The following CLNK variants were observed in gnomAD, a reference collection of about 807,000 sequenced individuals.
CLNK encodes cytokine-dependent hematopoietic cell linker.
In CLNK, 74 loss-of-function variants were observed where a neutral mutation model predicts 68.6. The ratio of observed to expected loss-of-function variants is 1.08; its 90% CI spans 0.89 to 1.31. The LOEUF (loss-of-function observed/expected upper bound fraction) is 1.31. Among genes scored for constraint, CLNK ranks in the 50% most tolerant of loss-of-function variants. The pLI, the probability that CLNK is intolerant of heterozygous loss-of-function variation, is 0.00. For missense variants in CLNK, 553 were observed against 515.3 expected, an observed-to-expected ratio of 1.07 and a Z score of -0.71; for synonymous variants, 198 against 172.2, an observed-to-expected ratio of 1.15 and a Z score of -1.17.
chr4:10,725,269 C>G, the CLNK span, among the ~76,000 whole-genome samples: 1 of 152,184 alleles, frequency 6.6e-6, no homozygotes, highest in Non-Finnish European at 1.5e-5. Flanking sequence ...CCAGGGTCCC[C>G]TCTCCTCTGG....
In CLNK at chr4:10,540,502, T is replaced by A. The variant is rs1560208092; in HGVS notation, c.594A>T (p.Arg198Ser). 1 of 1,610,418 alleles carries A rather than the reference T, an allele frequency of 6.2e-7. No individual in the cohort carries two copies. Among genetic ancestry groups the A allele is most frequent in the African/African-American group, 1.3e-5 (1 of 74,924 alleles). Residue 198 changes from arginine to serine, a missense_variant, in exon 11 of 19, where the codon AGA (arginine) becomes AGT (serine). Transcript: ENST00000226951. ...GATGATGAATCTCTCACCTGGGCAT[T>A]CTCTGGACTTCTGGAAAGGTGTGTC... ...SQRHTFPEVQ[R>S]MPSQISLRDL...
chr4:10,725,586 C>G, the CLNK span, among the ~76,000 whole-genome samples: 1 of 152,128 alleles, frequency 6.6e-6, no homozygotes, highest in Non-Finnish European at 1.5e-5. Flanking sequence ...TTCTGTAGGA[C>G]ATTTAGAAAT....
intron 17 of CLNK, among the ~76,000 whole-genome samples, chr4:10,503,271 G>A (rs761812552): frequency 6.6e-6 from 1 of 151,886 alleles, no homozygotes; most frequent in African/African-American, 2.4e-5. Context: ...GACTTAGCCC[G>A]GCTGACATGG....
chr4:10,659,907 TAAC>T (rs1196438690), intron 2 of CLNK, among the ~76,000 whole-genome samples: 1 of 152,242 alleles, frequency 6.6e-6, no homozygotes, highest in Non-Finnish European at 1.5e-5. Context: ...TACTTGAACT[TAAC>T]AAAATTTTCC....
intron 4 of CLNK, among the ~76,000 whole-genome samples, chr4:10,578,387 C>A (rs1188392960): frequency 6.6e-6 from 1 of 152,098 alleles, no homozygotes; most frequent in African/African-American, 2.4e-5. Flanking sequence ...CTGGGATCCC[C>A]TTCAGCTGTG....
chr4:10,707,481 A>C, the CLNK span, among the ~76,000 whole-genome samples: 1 of 152,352 alleles, frequency 6.6e-6, no homozygotes, highest in South Asian at 2.1e-4. Flanking sequence ...AGTCACTTCA[A>C]GATATTCCAC....
chr4:10,571,922 C>A, intron 4 of CLNK, 144 bp from the exon 5 acceptor site: 1 of 638,640 alleles, frequency 1.6e-6, no homozygotes, highest in South Asian at 1.9e-5. Context: ...AACTAAAGTG[C>A]ATTTTTCTTT....
intron 3 of CLNK, among the ~76,000 whole-genome samples, chr4:10,596,027 A>G (rs1721370219): frequency 6.6e-6 from 1 of 152,022 alleles, no homozygotes; most frequent in Non-Finnish European, 1.5e-5. Flanking sequence ...TTCAAATACC[A>G]TTTGTTTTTC....
chr4:10,653,387 C>CA (rs141097477), intron 2 of CLNK, among the ~76,000 whole-genome samples: 67,495 of 151,346 alleles, frequency 0.45, 16,059 homozygotes, highest in Non-Finnish European at 0.54. Flanking sequence ...AATAAACTCT[C>CA]AAAAAAAACT....
In CLNK at chr4:10,551,887, G is replaced by A. The variant is rs184018189; in HGVS notation, c.445+6520C>T. ...TTTTGAGACTGAGTCTCACTCTGTC[G>A]TCCAGGCTGGAGTGTAGGGGCATGA... On this transcript the variant is annotated intron_variant, in intron 8 of 18. Transcript: ENST00000226951. 8.8e-4 allele frequency among the ~76,000 whole-genome samples: 129 copies of A among 147,400 alleles called. 1 individual carries two copies. Among genetic ancestry groups the A allele is most frequent in the Non-Finnish European group, 7.3e-4 (49 of 67,190 alleles).
chr4:10,613,895 G>T (rs570310661), intron 2 of CLNK, among the ~76,000 whole-genome samples: 1 of 152,302 alleles, frequency 6.6e-6, no homozygotes, highest in African/African-American at 2.4e-5. Flanking sequence ...TTGACAACCT[G>T]CAGGATAGGT....
chr4:10,632,671 C>T (rs1328679552), intron 2 of CLNK, among the ~76,000 whole-genome samples: 1 of 152,204 alleles, frequency 6.6e-6, no homozygotes, highest in Non-Finnish European at 1.5e-5. Flanking sequence ...TTAAACACAA[C>T]AGACTTTCTC....
In CLNK at chr4:10,606,833, T is replaced by G. The variant is rs142000699; in HGVS notation, c.12-8784A>C. ...AGTTGATTCTGTTTTTCTATAGAGC[T>G]CTGACTAATACACATCATAAAGCTG... On this transcript the variant is annotated intron_variant, in intron 2 of 18. Coordinates refer to ENST00000226951, the MANE Select transcript of CLNK (RefSeq NM_052964.4). Among the ~76,000 whole-genome samples, 33 of 152,336 alleles carry G rather than the reference T, an allele frequency of 2.2e-4. No homozygotes were observed. The East Asian group carries it at 6.0e-3, about 28-fold the overall frequency.
chr4:10,712,176 C>T, the CLNK span, among the ~76,000 whole-genome samples: 114 of 152,176 alleles, frequency 7.5e-4, no homozygotes, highest in African/African-American at 2.6e-3. Flanking sequence ...GACCTTTACC[C>T]CTCATAAAGA....
At chr4:10,551,812 T>C (rs1029269857) in intron 8 of CLNK, among the ~76,000 whole-genome samples, 2 of 151,326 alleles carry the variant, frequency 1.3e-5, no homozygotes, top group Admixed American at 6.6e-5. Context: ...TATGTAAAAC[T>C]GCCTTTGCAA....
chr4:10,707,071 G>A, the CLNK span, among the ~76,000 whole-genome samples: 9 of 152,062 alleles, frequency 5.9e-5, no homozygotes, highest in South Asian at 6.2e-4. Flanking sequence ...GTGAGCCATC[G>A]CGCCTGGCCC....
chr4:10,671,177 G>A (rs983992381), intron 1 of CLNK, among the ~76,000 whole-genome samples: 1 of 152,124 alleles, frequency 6.6e-6, no homozygotes, highest in African/African-American at 2.4e-5. Context: ...CCTGAGGCCA[G>A]GAGTTCGAGG....
chr4:10,658,133 A>G (rs1395711611), intron 2 of CLNK, among the ~76,000 whole-genome samples: 1 of 152,174 alleles, frequency 6.6e-6, no homozygotes, highest in Non-Finnish European at 1.5e-5. Flanking sequence ...TGCTCCAAGT[A>G]GAATAACCAC....
In CLNK at chr4:10,489,128, C is replaced by T. The variant is rs1414917709; in HGVS notation, c.*1339G>A. 6.6e-6 allele frequency: 1 copy of T among 151,520 alleles called. No homozygotes were observed. The highest frequency in any genetic ancestry group is 1.5e-5 in the Non-Finnish European group (1 of 67,970). 9.4% of individuals were successfully genotyped at this position (151,520 alleles called of 1,614,324 possible). Reference sequence around the variant, plus strand: ...AAAATGTCACAGCGCAGAGAATGTACCTGGGAAGATGAGCTTGCATGGAGC... The same window carrying T: ...AAAATGTCACAGCGCAGAGAATGTATCTGGGAAGATGAGCTTGCATGGAGC... On this transcript the variant is annotated 3_prime_UTR_variant, in exon 19 of 19. Transcript: ENST00000226951.
Sources: gnomAD v4.1 joint callset for allele counts (sites outside exome capture counted in the v4.1 genomes callset) on GRCh38, gnomAD v4.1.1 for gene constraint, MANE v1.5 for transcripts, NCBI Gene and HGNC (gene_info 2026-07-23, HGNC 2026-07-21) for gene names.